The following TLR5 variants were observed in gnomAD, a reference collection of about 807,000 sequenced individuals.
TLR5 encodes the protein toll like receptor 5, also known as toll-like receptor 5.
For missense variants in TLR5, 944 were observed against 999.8 expected (o/e 0.94, Z 0.75); for synonymous variants, 373 against 384.4 (o/e 0.97, Z 0.35).
At chr1:223,117,061 G>T (rs1656696688) in intron 5 of TLR5, among the ~76,000 whole-genome samples, 1 of 152,204 alleles carries the variant, frequency 6.6e-6, no homozygotes, top group Non-Finnish European at 1.5e-5. Context: ...CACCACAGGG[G>T]GACTCGGGTA....
At chr1:223,136,581 C>T (rs1657622731) in intron 3 of TLR5, among the ~76,000 whole-genome samples, 1 of 152,162 alleles carries the variant, frequency 6.6e-6, no homozygotes, top group African/African-American at 2.4e-5. Context: ...GCTATCTGAA[C>T]CCAGTTATAT....
chr1:223,118,831 C>T (rs916266012), intron 5 of TLR5, among the ~76,000 whole-genome samples: 5 of 151,596 alleles, frequency 3.3e-5, no homozygotes, highest in African/African-American at 4.9e-5. Context: ...GGGCCGGGCA[C>T]GGTGGCTCAC....
At chr1:223,141,866 G>GAA in intron 1 of TLR5, 103 bp from the exon 2 acceptor site, 1 of 148,874 alleles carries the variant, frequency 6.7e-6, no homozygotes, top group African/African-American at 2.5e-5. Context: ...GAAAGAGAGA[G>GAA]AGAGAGATTA....
rs1656375096 is a variant in TLR5, at chr1:223,112,072, G to T, written c.960C>A (p.Ala320=). The change falls in exon 6 of 6, where the codon GCC becomes GCA. Residue 320 remains alanine, a synonymous_variant. Transcript: ENST00000642603. The part of the protein sequence containing the change: ...TLKDLKVLNL[A]YNKINKIADE... ...CTGCAATCTTATTTATCTTGTTGTAGGCAAGGTTCAGAACCTTCAAATCCT... is the reference window on the plus strand; with the variant it reads ...CTGCAATCTTATTTATCTTGTTGTATGCAAGGTTCAGAACCTTCAAATCCT... The T allele has an allele frequency of 6.2e-7, 1 of 1,614,080 alleles. No homozygotes were observed. Among genetic ancestry groups the T allele is most frequent in the South Asian group, 1.1e-5 (1 of 91,078 alleles).
At chr1:223,113,729 G>A (rs1023422358) in intron 5 of TLR5, among the ~76,000 whole-genome samples, 2 of 152,038 alleles carry the variant, frequency 1.3e-5, no homozygotes, top group African/African-American at 4.8e-5. Flanking sequence ...CAACATGCTG[G>A]GATTACAGGC....
At chr1:223,137,320 G>C (rs1657653500) in intron 2 of TLR5, 57 bp from the exon 3 acceptor site, 1 of 152,200 alleles carries the variant, frequency 6.6e-6, no homozygotes, top group Admixed American at 6.5e-5. Context: ...TTAAGTACAT[G>C]GACCCTGAAG....
intron 5 of TLR5, 41 bp from the exon 6 acceptor site, chr1:223,113,076 C>T (rs1656453199): frequency 1.2e-6 from 2 of 1,600,360 alleles, no homozygotes; most frequent in East Asian, 2.2e-5. Context: ...GGCATTTAAG[C>T]TCGAGGTATT....
At chr1:223,125,865 CA>C (rs1412680795) in intron 5 of TLR5, among the ~76,000 whole-genome samples, 3 of 152,296 alleles carry the variant, frequency 2.0e-5, no homozygotes, top group African/African-American at 7.2e-5. Context: ...ACTCCACCAG[CA>C]GAGAGTCTGA....
chr1:223,118,693 G>T (rs1656796113), intron 5 of TLR5, among the ~76,000 whole-genome samples: 1 of 152,184 alleles, frequency 6.6e-6, no homozygotes, highest in African/African-American at 2.4e-5. Flanking sequence ...CAGACTTAAG[G>T]TCTGTGTTGA....
intron 5 of TLR5, among the ~76,000 whole-genome samples, chr1:223,118,593 T>G (rs908167605): frequency 2.0e-5 from 3 of 151,594 alleles, no homozygotes; most frequent in Non-Finnish European, 2.9e-5. Context: ...GTCTGGGTTG[T>G]GATAAGAGGT....
At chr1:223,139,605 G>A (rs1657755452) in intron 2 of TLR5, among the ~76,000 whole-genome samples, 1 of 152,140 alleles carries the variant, frequency 6.6e-6, no homozygotes, top group African/African-American at 2.4e-5. Flanking sequence ...CTAGGCCTGG[G>A]GAGCTACCTG....
Position 223,112,629 on chromosome 1 carries a change from C to T in TLR5, c.403G>A (p.Val135Ile), listed in dbSNP as rs376078428. The change falls in exon 6 of 6, where the codon GTA (valine) becomes ATA (isoleucine). Residue 135 changes from valine to isoleucine, a missense_variant. Transcript: ENST00000642603. The part of the protein sequence containing the change: ...RLYFCGLSDA[V>I]LKDGYFRNLK... ...TTTCTGAAATAACCATCTTTCAATA[C>T]AGCATCAGAGAGACCACAGAAATAC... is the stretch of plus-strand genomic sequence containing the variant. 29 of 1,614,100 alleles carry T rather than the reference C, an allele frequency of 1.8e-5. No individual in the cohort carries two copies. Among genetic ancestry groups the T allele is most frequent in the Non-Finnish European group, 2.3e-5 (27 of 1,180,054 alleles).
At chr1:223,140,320 G>C (rs1421250395) in intron 2 of TLR5, among the ~76,000 whole-genome samples, 2 of 152,190 alleles carry the variant, frequency 1.3e-5, no homozygotes, top group African/African-American at 2.4e-5. Context: ...GCCAAGGCAG[G>C]TGGATCACCT....
chr1:223,140,271 G>A (rs1657783059), intron 2 of TLR5, among the ~76,000 whole-genome samples: 1 of 152,198 alleles, frequency 6.6e-6, no homozygotes. Flanking sequence ...GTCAGGCTGG[G>A]TGTGGTGGCT....
At chr1:223,137,449 T>C (rs1195639643) in intron 2 of TLR5, among the ~76,000 whole-genome samples, 186 bp from the exon 3 acceptor site, 1 of 152,226 alleles carries the variant, frequency 6.6e-6, no homozygotes, top group African/African-American at 2.4e-5. Context: ...TTTTACTGTG[T>C]TATTAATTTG....
intron 5 of TLR5, among the ~76,000 whole-genome samples, chr1:223,118,553 AG>A (rs113723261): frequency 0.055 from 8,139 of 149,042 alleles, 680 homozygotes; most frequent in African/African-American, 0.19. Context: ...TCTCAAAAAA[AG>A]AAAAAAAGAG....
chr1:223,112,654 C>T lies in TLR5; in HGVS notation c.378G>A (p.Leu126=), dbSNP rs931656557. Residue 126 remains leucine, a synonymous_variant, in exon 6 of 6, where the codon CTG becomes CTA. Coordinates refer to ENST00000642603, the MANE Select transcript of TLR5 (RefSeq NM_003268.6). ...CAGCATCAGAGAGACCACAGAAATACAGTCTAAGTTCAAACAGATGGAACA... is the reference window on the plus strand; with the variant it reads ...CAGCATCAGAGAGACCACAGAAATATAGTCTAAGTTCAAACAGATGGAACA... ...QGLFHLFELR[L]YFCGLSDAVL... The T allele has an allele frequency of 3.7e-6, 6 of 1,614,084 alleles. No homozygotes were observed. Among genetic ancestry groups the T allele is most frequent in the Non-Finnish European group, 4.2e-6 (5 of 1,180,052 alleles).
At position 223,111,578 on chromosome 1, in the gene TLR5, A is replaced by G; in HGVS notation, c.1454T>C (p.Leu485Ser). 1 of 1,614,188 alleles carries G rather than the reference A, an allele frequency of 6.2e-7. No individual in the cohort carries two copies. Among genetic ancestry groups the G allele is most frequent in the South Asian group, 1.1e-5 (1 of 91,074 alleles). ...LEQLFLGENM[L>S]QLAWETELCW... ...GAGCTCAGTTTCCCAGGCAAGTTGC[A>G]ACATATTTTCTCCAAGGAAAAGCTG... is the stretch of plus-strand genomic sequence containing the variant. Residue 485 changes from leucine to serine, a missense_variant, in exon 6 of 6, where the codon TTG (leucine) becomes TCG (serine). Physicochemically the swap from Leu to Ser is moderately radical, Grantham distance 145. Coordinates refer to ENST00000642603, the MANE Select transcript of TLR5 (RefSeq NM_003268.6).
chr1:223,119,592 G>A (rs1055430832), intron 5 of TLR5, among the ~76,000 whole-genome samples: 1 of 152,008 alleles, frequency 6.6e-6, no homozygotes, highest in Non-Finnish European at 1.5e-5. Context: ...TGGAATTCAG[G>A]CACAACTGAC....
Sources: allele counts gnomAD v4.1 joint callset (sites outside exome capture counted in the v4.1 genomes callset), GRCh38; gene constraint gnomAD v4.1.1; transcripts MANE v1.5; gene names NCBI Gene and HGNC (gene_info 2026-07-23, HGNC 2026-07-21).